CRIM1: variants seen among roughly 807,000 people sequenced by gnomAD.
The protein encoded by CRIM1 is cysteine rich transmembrane BMP regulator 1.
In CRIM1, 32 loss-of-function variants were observed where a neutral mutation model predicts 116.4. The ratio of observed to expected loss-of-function variants is 0.27; its 90% CI spans 0.21 to 0.37. CRIM1 has a LOEUF of 0.37. Among genes scored for constraint, CRIM1 ranks in the 10% least tolerant of loss-of-function variants. The pLI is 1.00. For missense variants in CRIM1, 1,331 were observed against 1,354.8 expected, an observed-to-expected ratio of 0.98 and a Z score of 0.28; for synonymous variants, 590 against 509.2, an observed-to-expected ratio of 1.16 and a Z score of -2.13.
At chr2:36,437,235 C>T (rs1675386096) in intron 2 of CRIM1, among the ~76,000 whole-genome samples, 4 of 152,012 alleles carry the variant, frequency 2.6e-5, no homozygotes, top group South Asian at 2.1e-4. Context: ...ATTAGCCGGG[C>T]GAGGTGGTGG....
intron 1 of CRIM1, among the ~76,000 whole-genome samples, chr2:36,380,579 G>A (rs1385786752): frequency 3.3e-5 from 5 of 152,180 alleles, no homozygotes; most frequent in African/African-American, 9.7e-5. Context: ...GCAGAACAAA[G>A]AAATCAAAAG....
intron 14 of CRIM1, 62 bp downstream of exon 14, chr2:36,537,608 G>C (rs1249861777): frequency 1.2e-5 from 17 of 1,475,898 alleles, no homozygotes; most frequent in Non-Finnish European, 1.5e-5. Context: ...TGAAATCGAA[G>C]CAGAGCTCGA....
intron 2 of CRIM1, among the ~76,000 whole-genome samples, chr2:36,428,563 G>A (rs1427563112): frequency 6.6e-6 from 1 of 152,144 alleles, no homozygotes; most frequent in Non-Finnish European, 1.5e-5. Context: ...ATGACAAAGC[G>A]TTTTCTGTAC....
chr2:36,387,839 A>T lies in CRIM1; in HGVS notation c.332-8775A>T, dbSNP rs549407892. ...ATCTTTCTCAAGAACCAGTTTTTTA[A>T]TTTTGTTAACTGTTTTTGTTGCTTT... On this transcript the variant is annotated intron_variant, in intron 1 of 16. Transcript: ENST00000280527. 3.9e-5 allele frequency among the ~76,000 whole-genome samples: 6 copies of T among 152,196 alleles called. No individual in the cohort carries two copies. The South Asian group carries it at 1.2e-3, about 32-fold the overall frequency.
At chr2:36,369,418 G>A (rs1360523555) in intron 1 of CRIM1, among the ~76,000 whole-genome samples, 1 of 152,208 alleles carries the variant, frequency 6.6e-6, no homozygotes, top group African/African-American at 2.4e-5. Context: ...TTTCCAGCAA[G>A]GATGAGTGCA....
chr2:36,435,279 C>A (rs180745827), intron 2 of CRIM1, among the ~76,000 whole-genome samples: 1 of 151,882 alleles, frequency 6.6e-6, no homozygotes, highest in African/African-American at 2.4e-5. Flanking sequence ...TTGAATTCCC[C>A]GAAGTAGCTT....
At chr2:36,485,758 G>T (rs1558357895) in intron 7 of CRIM1, among the ~76,000 whole-genome samples, 1 of 152,166 alleles carries the variant, frequency 6.6e-6, no homozygotes, top group East Asian at 1.9e-4. Context: ...ACATAACAGG[G>T]ATCAAAACTC....
At chr2:36,501,705 G>C (rs1418573609) in intron 8 of CRIM1, among the ~76,000 whole-genome samples, 3 of 152,022 alleles carry the variant, frequency 2.0e-5, no homozygotes, top group African/African-American at 7.3e-5. Flanking sequence ...CTGGGTGACA[G>C]AGCAAGACCC....
intron 2 of CRIM1, among the ~76,000 whole-genome samples, chr2:36,431,118 T>C (rs1006493815): frequency 1.3e-5 from 2 of 152,170 alleles, no homozygotes; most frequent in Non-Finnish European, 2.9e-5. Flanking sequence ...GAATCAACTT[T>C]ACCTTTCTGA....
At chr2:36,414,352 G>A (rs1038889704) in intron 2 of CRIM1, among the ~76,000 whole-genome samples, 1 of 152,220 alleles carries the variant, frequency 6.6e-6, no homozygotes, top group African/African-American at 2.4e-5. Flanking sequence ...AGTTACATTG[G>A]ATAGGGTAGT....
chr2:36,449,962 G>C (rs901733099), intron 4 of CRIM1, among the ~76,000 whole-genome samples: 2 of 152,042 alleles, frequency 1.3e-5, no homozygotes, highest in East Asian at 3.9e-4. Flanking sequence ...GAACTGGTTG[G>C]ATTGTGAAAG....
At chr2:36,482,986 C>T (rs758300457) in intron 7 of CRIM1, among the ~76,000 whole-genome samples, 2 of 152,206 alleles carry the variant, frequency 1.3e-5, no homozygotes, top group Non-Finnish European at 2.9e-5. Flanking sequence ...TAGGCTGTTA[C>T]TTGACAGCTA....
At position 36,549,610 on chromosome 2, in the gene CRIM1, C is replaced by G. The variant is rs565749691; in HGVS notation, c.*909C>G. ...GTTGTTCATAGTTTTTGTTGAAGCT[C>G]TAGCTTAAGAAGAAACTTTTTTTAA... On this transcript the variant is annotated 3_prime_UTR_variant, in exon 17 of 17. Transcript: ENST00000280527. The G allele has an allele frequency of 6.6e-6, 1 of 152,452 alleles. No homozygotes were observed. The highest frequency in any genetic ancestry group is 2.4e-5 in the African/African-American group (1 of 41,496). 9.4% of individuals were successfully genotyped at this position (152,452 alleles called of 1,614,324 possible). A position where few individuals can be genotyped will look rare whatever the true frequency, so the allele number is the denominator to read the frequency against.
In CRIM1 at chr2:36,441,340, T is replaced by A; in HGVS notation, c.588T>A (p.Gly196=). The A allele has an allele frequency of 6.2e-7, 1 of 1,614,190 alleles. No individual in the cohort carries two copies. Among genetic ancestry groups the A allele is most frequent in the African/African-American group, 1.3e-5 (1 of 75,054 alleles). The part of the protein sequence containing the change: ...RCPEDSVLIE[G]YAPPGECCPL... The stretch of plus-strand genomic sequence containing the variant: ...CTGAAGATTCTGTTCTGATCGAGGG[T>A]TATGCTCCTCCTGGGGAGTGCTGTC... The change falls in exon 3 of 17, where the codon GGT becomes GGA. Residue 196 remains glycine (G), a synonymous_variant. Coordinates refer to ENST00000280527, the MANE Select transcript of CRIM1 (RefSeq NM_016441.3).
intron 5 of CRIM1, among the ~76,000 whole-genome samples, chr2:36,471,732 C>A (rs1393395120): frequency 7.0e-6 from 1 of 143,020 alleles, no homozygotes; most frequent in African/African-American, 2.7e-5. Flanking sequence ...CTTAAACACA[C>A]ACACACACAC....
chr2:36,409,624 C>A (rs966918023), intron 2 of CRIM1, among the ~76,000 whole-genome samples: 3 of 152,184 alleles, frequency 2.0e-5, no homozygotes, highest in African/African-American at 7.2e-5. Context: ...CATACCCAGT[C>A]TGAATAGTGT....
At chr2:36,385,464 C>T (rs138985464) in intron 1 of CRIM1, among the ~76,000 whole-genome samples, 172 of 152,232 alleles carry the variant, frequency 1.1e-3, no homozygotes, top group African/African-American at 3.9e-3. Flanking sequence ...TCGTTTTCCT[C>T]GATGATAGAT....
chr2:36,537,415 G>A lies in CRIM1; in HGVS notation c.2492G>A (p.Arg831Gln), dbSNP rs1337010926. Reference sequence around the variant, plus strand: ...GGGAAGGCCTATGCCGACGAGGAGCGGTGGGACCTTGACAGCTGCACCCAC... The same window carrying A: ...GGGAAGGCCTATGCCGACGAGGAGCAGTGGGACCTTGACAGCTGCACCCAC... ...FSGKAYADEE[R>Q]WDLDSCTHCY... Residue 831 changes from arginine to glutamine, a missense_variant, in exon 14 of 17, where the codon CGG becomes CAG. Arg to Gln is a conservative substitution (Grantham distance 43). This residue lies in a region of CRIM1 where 358 missense variants were observed against 436.1 expected (regional missense o/e 0.82). Transcript: ENST00000280527. The A allele has an allele frequency of 3.7e-6, 6 of 1,614,222 alleles. No individual in the cohort carries two copies. The highest frequency in any genetic ancestry group is 1.7e-5 in the Admixed American group (1 of 60,030).
chr2:36,490,574 C>T (rs898182240), intron 7 of CRIM1, among the ~76,000 whole-genome samples: 11 of 152,248 alleles, frequency 7.2e-5, no homozygotes, highest in East Asian at 3.9e-4. Flanking sequence ...ATTGCTGAGA[C>T]CCGGTTACTG....
Sources: gnomAD v4.1 joint callset for allele counts (sites outside exome capture counted in the v4.1 genomes callset) on GRCh38, gnomAD v4.1.1 for gene constraint, gnomAD v4.1.1 regional missense constraint, MANE v1.5 for transcripts, NCBI Gene and HGNC (gene_info 2026-07-23, HGNC 2026-07-21) for gene names.